The following FAM161A variants were observed in gnomAD, a reference collection of about 807,000 sequenced individuals.
FAM161A encodes the protein protein FAM161A.
A neutral mutation model predicts 70.9 loss-of-function variants in FAM161A; 57 were observed. The observed-to-expected ratio is 0.80, with a 90% CI of 0.65 to 1.00. The LOEUF (loss-of-function observed/expected upper bound fraction) is 1.00, where lower values mean the gene tolerates loss of function less well. FAM161A is among the 50% of genes least tolerant of loss of function. The probability of loss-of-function intolerance (pLI) is 0.00; values close to 1 mark genes in which losing one functional copy is unlikely to be tolerated. For synonymous variants in FAM161A, 299 were observed against 295.7 expected, an observed-to-expected ratio of 1.01 and a Z score of -0.12; for missense variants, 880 against 836.0, an observed-to-expected ratio of 1.05 and a Z score of -0.65.
chr2:61,804,288 T>C, the FAM161A span, among the ~76,000 whole-genome samples: 1 of 152,244 alleles, frequency 6.6e-6, no homozygotes, highest in South Asian at 2.1e-4. Flanking sequence ...CTTTATGACC[T>C]GTGTATCTTG....
chr2:61,804,769 AGAAAGAAAG>A, the FAM161A span, among the ~76,000 whole-genome samples: 1 of 1,286 alleles, frequency 7.8e-4, no homozygotes, highest in Admixed American at 0.012. Flanking sequence ...AAAAAGAAAG[AGAAAGAAAG>A]AAAGAAAGAA....
At chr2:61,803,538 G>T in the FAM161A span, 15 of 487,830 alleles carry the variant, frequency 3.1e-5, 1 homozygote, top group Non-Finnish European at 4.5e-5. Flanking sequence ...TAATAAGGCC[G>T]GGCGCAGTGG....
chr2:61,853,814 C>T lies in FAM161A; in HGVS notation c.183+45G>A, dbSNP rs1013506494. On this transcript the variant is annotated intron_variant, in intron 1 of 6. Transcript: ENST00000404929. ...GGAACCGGACAGCCCTCAGCCTGCACCCAGCCCATGCGAGGTCCCAGCCCA... is the reference window on the plus strand; with the variant it reads ...GGAACCGGACAGCCCTCAGCCTGCATCCAGCCCATGCGAGGTCCCAGCCCA... 5.0e-6 allele frequency: 8 copies of T among 1,610,702 alleles called. No homozygotes were observed. The African/African-American group carries it at 6.7e-5, about 13-fold the overall frequency.
the FAM161A span, among the ~76,000 whole-genome samples, chr2:61,818,713 C>T: frequency 2.0e-5 from 3 of 152,104 alleles, no homozygotes; most frequent in African/African-American, 7.2e-5. Flanking sequence ...ATATAGAACA[C>T]ATAATAGAAT....
the FAM161A span, among the ~76,000 whole-genome samples, chr2:61,806,680 CTTTTTTTTTTTTTTT>C: frequency 4.9e-5 from 3 of 61,568 alleles, no homozygotes; most frequent in African/African-American, 7.0e-5. Flanking sequence ...CTTTCCACGT[CTTTTTTTTTTTTTTT>C]TTTTTTTTTT....
In FAM161A at chr2:61,826,334, T is replaced by C; in HGVS notation, c.*121A>G. The C allele has an allele frequency of 9.0e-7, 1 of 1,111,040 alleles. No individual in the cohort carries two copies. The highest frequency in any genetic ancestry group is 1.3e-6 in the Non-Finnish European group (1 of 744,700). The allele number at this position is 1,111,040 out of a possible 1,614,324, so 68.8% of individuals were successfully genotyped here. A position where few individuals can be genotyped will look rare whatever the true frequency, so the allele number is the denominator to read the frequency against. ...TCAGGCTTTTCAGGCTACAGATGAC[T>C]TTGATCAACAGCCCTGCACATATCA... On this transcript the variant is annotated 3_prime_UTR_variant, in exon 7 of 7. Transcript: ENST00000404929.
rs1421267680 is a variant in FAM161A at position 61,840,395 on chromosome 2, C to G, written c.609G>C (p.Trp203Cys). The G allele has an allele frequency of 6.2e-7, 1 of 1,613,978 alleles. No homozygotes were observed. Among genetic ancestry groups the G allele is most frequent in the Non-Finnish European group, 8.5e-7 (1 of 1,180,016 alleles). The change falls in exon 3 of 7, where the codon TGG becomes TGC. Residue 203 changes from tryptophan to cysteine, a missense_variant. By Grantham distance (215) the Trp-to-Cys change is radical. Transcript: ENST00000404929. ...TATAATCCTCAACACAAAAGTCTGT[C>G]CACATATTGTTGATGAGCTCCTTAG... ...TYAKELINNM[W>C]TDFCVEDYIR...
chr2:61,824,405 CA>C (rs1283075197), downstream of FAM161A, among the ~76,000 whole-genome samples: 1 of 152,010 alleles, frequency 6.6e-6, no homozygotes, highest in Non-Finnish European at 1.5e-5. Context: ...CAAAGTGCTT[CA>C]AAAGTTATTT....
chr2:61,815,637 G>A, the FAM161A span, among the ~76,000 whole-genome samples: 3 of 130,412 alleles, frequency 2.3e-5, no homozygotes, highest in South Asian at 2.7e-4. Flanking sequence ...TGCAACCTTC[G>A]CCTCCCAGGT....
chr2:61,840,321 T>G lies in FAM161A; in HGVS notation c.683A>C (p.Lys228Thr), dbSNP rs1558484748. 1.9e-6 allele frequency: 3 copies of G among 1,614,020 alleles called. No homozygotes were observed. Among genetic ancestry groups the G allele is most frequent in the African/African-American group, 1.3e-5 (1 of 74,924 alleles). ...AATTGTGGGCACCCATTCTTTTCGT[T>G]TCTTCCTTCTTTTTTCAGCTGCATG... ...GFHAAEKRRKKRKEWVPTITV... is the reference protein window; with the variant it reads ...GFHAAEKRRKTRKEWVPTITV... Residue 228 changes from lysine (K) to threonine (T), a missense_variant, in exon 3 of 7, where the codon AAA becomes ACA. Transcript: ENST00000404929.
chr2:61,827,477 G>T (rs566397051), intron 5 of FAM161A, among the ~76,000 whole-genome samples: 2 of 151,952 alleles, frequency 1.3e-5, no homozygotes, highest in Non-Finnish European at 2.9e-5. Flanking sequence ...GGGCGTGGTG[G>T]TGGCCGCCTG....
At chr2:61,803,162 A>G in the FAM161A span, 2 of 487,214 alleles carry the variant, frequency 4.1e-6, no homozygotes, top group South Asian at 1.8e-5. Context: ...GATGTCCTTC[A>G]TCCCGGGAAG....
Position 61,834,923 on chromosome 2 carries a change from G to A in FAM161A, c.1851+1087C>T, listed in dbSNP as rs1026446265. 2.0e-5 allele frequency among the ~76,000 whole-genome samples: 3 copies of A among 152,100 alleles called. No homozygotes were observed. The East Asian group carries it at 5.8e-4, about 29-fold the overall frequency. On this transcript the variant is annotated intron_variant, in intron 5 of 6. Coordinates refer to ENST00000404929, the MANE Select transcript of FAM161A (RefSeq NM_001201543.2). ...TGGAGATAATGTCTTTGAGCCAAAA[G>A]CCAATCACTTTATGATTATAATGTA...
intron 1 of FAM161A, among the ~76,000 whole-genome samples, chr2:61,848,557 C>G (rs568261287): frequency 6.6e-6 from 1 of 151,838 alleles, no homozygotes; most frequent in African/African-American, 2.4e-5. Context: ...ATAATCTTCC[C>G]TAGATTGGCT....
At chr2:61,844,154 G>A (rs1470626938) in intron 1 of FAM161A, among the ~76,000 whole-genome samples, 1 of 151,776 alleles carries the variant, frequency 6.6e-6, no homozygotes, top group African/African-American at 2.4e-5. Flanking sequence ...AAAAAAAAAA[G>A]CAGTCTTCAA....
At chr2:61,831,782 A>G (rs1672584616) in intron 5 of FAM161A, among the ~76,000 whole-genome samples, 1 of 152,184 alleles carries the variant, frequency 6.6e-6, no homozygotes, top group East Asian at 1.9e-4. Flanking sequence ...AACCTCTCAA[A>G]AAACATTATA....
At chr2:61,805,624 C>T in the FAM161A span, among the ~76,000 whole-genome samples, 67 of 152,248 alleles carry the variant, frequency 4.4e-4, no homozygotes, top group African/African-American at 1.5e-3. Context: ...AGATAAATAC[C>T]GTTCTTCCTC....
At position 61,825,933 on chromosome 2, in the gene FAM161A, G is replaced by A. The variant is rs1371711752; in HGVS notation, c.*522C>T. On this transcript the variant is annotated 3_prime_UTR_variant, in exon 7 of 7. Transcript: ENST00000404929. ...ATTACAGGCATGAGCCACCATACCC[G>A]GCGTTTTTTCTATACTTTTAAAAAT... 1.3e-5 allele frequency: 6 copies of A among 453,904 alleles called. No homozygotes were observed. The highest frequency in any genetic ancestry group is 2.2e-5 in the Non-Finnish European group (5 of 226,764). The allele number at this position is 453,904 out of a possible 1,614,324, so 28.1% of individuals were successfully genotyped here.
the FAM161A span, among the ~76,000 whole-genome samples, chr2:61,809,761 T>C: frequency 1.3e-5 from 2 of 152,182 alleles, no homozygotes; most frequent in Non-Finnish European, 2.9e-5. Context: ...ACCTGAGCCC[T>C]GCTTTAATGA....
Sources: allele counts gnomAD v4.1 joint callset (sites outside exome capture counted in the v4.1 genomes callset), GRCh38; gene constraint gnomAD v4.1.1; transcripts MANE v1.5; gene names NCBI Gene and HGNC (gene_info 2026-07-23, HGNC 2026-07-21).